The following THBS4 variants were observed in gnomAD, a reference collection of about 807,000 sequenced individuals.
THBS4 encodes thrombospondin-4.
Under a neutral mutation model 115.7 loss-of-function variants are expected in THBS4, and 90 were observed. That is an observed-to-expected ratio of 0.78 (90% confidence interval 0.66 to 0.93). The LOEUF (loss-of-function observed/expected upper bound fraction) is 0.93, where lower values mean the gene tolerates loss of function less well. Among genes scored for constraint, THBS4 ranks in the 40% least tolerant of loss-of-function variants. THBS4 has a pLI of 0.00. For synonymous variants in THBS4, 460 were observed against 479.3 expected (o/e 0.96, Z 0.53); for missense variants, 1,087 against 1,232.7 (o/e 0.88, Z 1.77).
intron 2 of THBS4, among the ~76,000 whole-genome samples, chr5:80,023,730 C>G (rs1426865132): frequency 1.3e-5 from 2 of 151,464 alleles, no homozygotes; most frequent in Non-Finnish European, 2.9e-5. Flanking sequence ...GTTTGGGCAT[C>G]CACACACATG....
intron 2 of THBS4, among the ~76,000 whole-genome samples, chr5:80,002,369 A>G (rs1286140983): frequency 6.6e-6 from 1 of 152,098 alleles, no homozygotes; most frequent in Non-Finnish European, 1.5e-5. Context: ...CATACCCTCA[A>G]TGGATGTCAG....
chr5:80,075,166 T>A (rs1743137039), intron 15 of THBS4: 1 of 152,212 alleles, frequency 6.6e-6, no homozygotes, highest in Admixed American at 6.5e-5. Flanking sequence ...TTTGGTGTTA[T>A]TTTTTATTGT....
At chr5:80,014,562 T>G (rs1361497324) in intron 2 of THBS4, among the ~76,000 whole-genome samples, 1 of 152,188 alleles carries the variant, frequency 6.6e-6, no homozygotes, top group Non-Finnish European at 1.5e-5. Flanking sequence ...GGATGTGGTG[T>G]TAGCCAGTAG....
At chr5:80,066,254 C>T (rs554215432) in intron 9 of THBS4, 10 of 152,296 alleles carry the variant, frequency 6.6e-5, no homozygotes, top group African/African-American at 2.4e-4. Context: ...CCAGAGTTGA[C>T]TATCAAGAAA....
chr5:80,061,618 TA>T (rs1325868657), intron 7 of THBS4, 76 bp from the exon 8 acceptor site: 1 of 1,484,126 alleles, frequency 6.7e-7, no homozygotes, highest in Non-Finnish European at 9.1e-7. Flanking sequence ...ACTAAACAAG[TA>T]TGTGCAAATA....
intron 2 of THBS4, among the ~76,000 whole-genome samples, chr5:80,012,262 T>C (rs1265358343): frequency 1.3e-5 from 2 of 152,058 alleles, no homozygotes; most frequent in East Asian, 1.9e-4. Flanking sequence ...AACCAGGGAT[T>C]GGAAACTAAC....
chr5:79,996,152 A>G (rs1831789508), intron 1 of THBS4, among the ~76,000 whole-genome samples: 1 of 152,078 alleles, frequency 6.6e-6, no homozygotes, highest in Admixed American at 6.5e-5. Context: ...CACAAAAAAA[A>G]AGGCGGAATA....
Position 80,059,385 on chromosome 5 carries a change from T to G in THBS4, c.733-55T>G, listed in dbSNP as rs757291682. 2.4e-4 allele frequency: 361 copies of G among 1,527,032 alleles called. 1 individual carries two copies. The highest frequency in any genetic ancestry group is 3.1e-4 in the Non-Finnish European group (340 of 1,103,590). The allele number at this position is 1,527,032 out of a possible 1,614,324, so 94.6% of individuals were successfully genotyped here. On this transcript the variant is annotated intron_variant, in intron 5 of 21. Coordinates refer to ENST00000350881, the MANE Select transcript of THBS4 (RefSeq NM_003248.6). ...AGCTCCACATGGATTCTTTCATTCC[T>G]GGATGATATCAGGCATTCCTTTTCA...
rs760561915 is a variant in THBS4 at position 80,058,215 on chromosome 5, GA to G, written c.552del (p.Glu185SerfsTer2). ...ATGTGATTTCTTCCAGGACTTCTTGGAAGAGCTGAAGCTGGTGGTGAGAGGC... is the reference window on the plus strand; with the variant it reads ...ATGTGATTTCTTCCAGGACTTCTTGGAGAGCTGAAGCTGGTGGTGAGAGGC... ...TFQRKPQDFL[E>X]ELKLVVRGSL... is the part of the protein sequence containing the mutation. On this transcript the variant is annotated frameshift_variant, in exon 4 of 22. Transcript: ENST00000350881. LOFTEE classifies it high-confidence loss of function. 7.6e-6 allele frequency: 12 copies of G among 1,572,982 alleles called. No homozygotes were observed. The South Asian group carries it at 1.2e-4, about 15-fold the overall frequency.
At chr5:80,079,610 G>A (rs541500705) in intron 19 of THBS4, among the ~76,000 whole-genome samples, 1 of 152,352 alleles carries the variant, frequency 6.6e-6, no homozygotes, top group Admixed American at 6.5e-5. Context: ...TAGGACACAA[G>A]GCTGACTTAA....
intron 7 of THBS4, 137 bp downstream of exon 7, chr5:80,060,042 G>C: frequency 1.3e-6 from 1 of 762,788 alleles, no homozygotes; most frequent in South Asian, 1.7e-5. Context: ...CTTGCTTGGA[G>C]ACCCTGAGAC....
At chr5:79,997,687 C>A (rs1262300760) in intron 1 of THBS4, among the ~76,000 whole-genome samples, 1 of 152,106 alleles carries the variant, frequency 6.6e-6, no homozygotes, top group Non-Finnish European at 1.5e-5. Flanking sequence ...CACCCAGTGA[C>A]AGCAGAACAT....
At chr5:80,041,940 A>G (rs1832916286) in intron 2 of THBS4, among the ~76,000 whole-genome samples, 1 of 152,220 alleles carries the variant, frequency 6.6e-6, no homozygotes, top group African/African-American at 2.4e-5. Context: ...TAGGAAATGA[A>G]AGAAGTTTCT....
chr5:80,078,944 G>C lies in THBS4; in HGVS notation c.2289G>C (p.Met763Ile). The change falls in exon 18 of 22, where the codon ATG becomes ATC. Residue 763 changes from methionine to isoleucine, a missense_variant. This residue lies in a region of THBS4 where 979 missense variants were observed against 1,103.7 expected (regional missense o/e 0.89). Coordinates refer to ENST00000350881, the MANE Select transcript of THBS4 (RefSeq NM_003248.6). ...LNQGMEIVQT[M>I]NSDPGLAVGY... ...AGGGCATGGAGATTGTACAGACCAT[G>C]AACAGTGATCCTGGCCTGGCAGTGG... is the stretch of plus-strand genomic sequence containing the variant. The C allele has an allele frequency of 6.2e-7, 1 of 1,614,126 alleles. No homozygotes were observed. Among genetic ancestry groups the C allele is most frequent in the Non-Finnish European group, 8.5e-7 (1 of 1,179,996 alleles).
At position 80,083,166 on chromosome 5, in the gene THBS4, T is replaced by C; in HGVS notation, c.*25T>C. ...AACCAAGGAAGCAATCTGTAACTGCTTTTCGGAACACTAAAACCATATATA... is the reference window on the plus strand; with the variant it reads ...AACCAAGGAAGCAATCTGTAACTGCCTTTCGGAACACTAAAACCATATATA... On this transcript the variant is annotated 3_prime_UTR_variant, in exon 22 of 22. Transcript: ENST00000350881. 1 of 1,591,574 alleles carries C rather than the reference T, an allele frequency of 6.3e-7. No homozygotes were observed. Among genetic ancestry groups the C allele is most frequent in the Non-Finnish European group, 8.6e-7 (1 of 1,159,554 alleles).
Position 80,055,932 on chromosome 5 carries a change from G to T in THBS4, c.440G>T (p.Cys147Phe). The T allele has an allele frequency of 6.2e-7, 1 of 1,614,218 alleles. No individual in the cohort carries two copies. The highest frequency in any genetic ancestry group is 8.5e-7 in the Non-Finnish European group (1 of 1,180,028). The stretch of plus-strand genomic sequence containing the variant: ...GGCTCCCTAGAGCTCTACCTGGACT[G>T]CATCCAGGTGGATTCCGTTCACAAT... The part of the protein sequence containing the change: ...GAGSLELYLD[C>F]IQVDSVHNLP... The change falls in exon 3 of 22, where the codon TGC becomes TTC. Residue 147 changes from cysteine to phenylalanine, a missense_variant. Cys to Phe is a radical substitution (Grantham distance 205). Around this residue, in one of 3 missense-constraint regions of THBS4, gnomAD observed 979 missense variants for 1,103.7 expected, o/e 0.89. Coordinates refer to ENST00000350881, the MANE Select transcript of THBS4 (RefSeq NM_003248.6).
intron 2 of THBS4, among the ~76,000 whole-genome samples, chr5:80,000,725 A>T (rs1477092498): frequency 5.9e-5 from 9 of 152,168 alleles, no homozygotes; most frequent in Non-Finnish European, 1.5e-5. Flanking sequence ...GAGTGAGCAA[A>T]TCAAGTCCAG....
At chr5:80,015,742 A>C (rs1239125604) in intron 2 of THBS4, among the ~76,000 whole-genome samples, 1 of 152,174 alleles carries the variant, frequency 6.6e-6, no homozygotes, top group Non-Finnish European at 1.5e-5. Flanking sequence ...TGATGAAGGC[A>C]CCAGGGACCA....
intron 2 of THBS4, among the ~76,000 whole-genome samples, chr5:80,042,461 A>G (rs1166791129): frequency 6.6e-6 from 1 of 152,208 alleles, no homozygotes; most frequent in Non-Finnish European, 1.5e-5. Flanking sequence ...TTTTGCCCTC[A>G]CTGCCTCTCA....
Sources: allele counts gnomAD v4.1 joint callset (sites outside exome capture counted in the v4.1 genomes callset), GRCh38; gene constraint gnomAD v4.1.1; regional missense constraint gnomAD v4.1.1; transcripts MANE v1.5; gene names NCBI Gene and HGNC (gene_info 2026-07-23, HGNC 2026-07-21).